The following MALRD1 variants were observed in gnomAD, a reference collection of about 807,000 sequenced individuals.
The protein encoded by MALRD1 is MAM and LDL-receptor class A domain-containing protein 1.
MALRD1 carries 247 observed loss-of-function variants against 242.1 expected under a neutral mutation model. The observed-to-expected ratio is 1.02, with a 90% CI of 0.92 to 1.13. The LOEUF (loss-of-function observed/expected upper bound fraction) is 1.13. Among genes scored for constraint, MALRD1 ranks in the 50% most tolerant of loss-of-function variants. The pLI, the probability that MALRD1 is intolerant of heterozygous loss-of-function variation, is 0.00. For missense variants in MALRD1, 2,989 were observed against 2,533.1 expected (o/e 1.18, Z -3.86); for synonymous variants, 995 against 866.6 (o/e 1.15, Z -2.60).
At chr10:19,087,986 T>C in intron 3 of MALRD1, 38 bp from the exon 4 acceptor site, 2 of 1,233,098 alleles carry the variant, frequency 1.6e-6, no homozygotes, top group Non-Finnish European at 2.0e-6. Context: ...TGGGGACTTC[T>C]TTATCATAAT....
intron 38 of MALRD1, chr10:19,711,148 T>A (rs1564560652): frequency 6.6e-6 from 1 of 152,232 alleles, no homozygotes; most frequent in Non-Finnish European, 1.5e-5. Context: ...GATTCTTTTT[T>A]GCTTTCAAAT....
chr10:19,203,879 A>C lies in MALRD1; in HGVS notation c.2103A>C (p.Gln701His). The C allele has an allele frequency of 6.4e-7, 1 of 1,550,472 alleles. No homozygotes were observed. The highest frequency in any genetic ancestry group is 2.4e-5 in the East Asian group (1 of 40,916). Residue 701 changes from glutamine (Q) to histidine (H), a missense_variant and splice_region_variant, in exon 15 of 40, where the codon CAA (glutamine) becomes CAC (histidine). Coordinates refer to ENST00000454679, the MANE Select transcript of MALRD1 (RefSeq NM_001142308.3). ...GGGATCATAGTCTCAACGCATCTCAAGGTAAGAAGCAAACAGGGACTCTAC... is the reference window on the plus strand; with the variant it reads ...GGGATCATAGTCTCAACGCATCTCACGGTAAGAAGCAAACAGGGACTCTAC... ...PPRDHSLNAS[Q>H]GHFMFILKKS...
chr10:19,413,682 G>GT (rs776427899), intron 28 of MALRD1, among the ~76,000 whole-genome samples: 26 of 151,752 alleles, frequency 1.7e-4, no homozygotes, highest in Non-Finnish European at 2.8e-4. Context: ...AGCCAGTGAG[G>GT]TTTTTTTTAA....
intron 18 of MALRD1, among the ~76,000 whole-genome samples, chr10:19,246,282 C>A (rs888448003): frequency 6.6e-6 from 1 of 152,104 alleles, no homozygotes; most frequent in African/African-American, 2.4e-5. Flanking sequence ...TATTCAGACA[C>A]ATGTAGAGTT....
rs772792648 is a variant in MALRD1 at position 19,734,233 on chromosome 10, A to G, written c.6467A>G (p.Lys2156Arg). Reference sequence around the variant, plus strand: ...CTGGAGACCCTGTCACATCATCTCAAATAGCAGCATCGAGACCAAGTCTGA... The same window carrying G: ...CTGGAGACCCTGTCACATCATCTCAGATAGCAGCATCGAGACCAAGTCTGA... The part of the protein sequence containing the change: ...GSLETLSHHL[K>R] The change falls in exon 40 of 40, where the codon AAA becomes AGA. Residue 2156 changes from lysine (K) to arginine (R), a missense_variant. Transcript: ENST00000454679. The G allele has an allele frequency of 3.9e-6, 6 of 1,535,364 alleles. No individual in the cohort carries two copies. The South Asian group carries it at 7.1e-5, about 18-fold the overall frequency.
intron 4 of MALRD1, among the ~76,000 whole-genome samples, chr10:19,098,481 T>C (rs1004304927): frequency 3.3e-5 from 5 of 152,182 alleles, no homozygotes; most frequent in African/African-American, 4.8e-5. Context: ...ACCCTCACTC[T>C]TCAAAATCAT....
At chr10:19,163,851 T>C (rs1407070279) in intron 12 of MALRD1, among the ~76,000 whole-genome samples, 2 of 152,208 alleles carry the variant, frequency 1.3e-5, no homozygotes, top group East Asian at 3.9e-4. Flanking sequence ...CTTATCCCAT[T>C]GACTATGGAT....
intron 1 of MALRD1, among the ~76,000 whole-genome samples, chr10:19,050,369 G>C (rs1834455708): frequency 1.3e-5 from 2 of 150,494 alleles, no homozygotes; most frequent in African/African-American, 4.9e-5. Flanking sequence ...TTACAGGCGT[G>C]AGCCACCGCG....
At chr10:19,178,001 T>C (rs1835334310) in intron 14 of MALRD1, among the ~76,000 whole-genome samples, 1 of 152,110 alleles carries the variant, frequency 6.6e-6, no homozygotes, top group African/African-American at 2.4e-5. Flanking sequence ...TACCTCCCAA[T>C]CTCCTTCAGT....
chr10:19,448,167 C>A (rs141538573), intron 28 of MALRD1, among the ~76,000 whole-genome samples: 7 of 151,820 alleles, frequency 4.6e-5, no homozygotes, highest in African/African-American at 1.7e-4. Flanking sequence ...CTTGGTAGCC[C>A]CTCTTCAGAC....
chr10:19,530,416 A>AATTT (rs1368904117), intron 31 of MALRD1, among the ~76,000 whole-genome samples: 1 of 31,488 alleles, frequency 3.2e-5, no homozygotes, highest in South Asian at 7.7e-4. Context: ...TATTTATATA[A>AATTT]TAATAAATAT....
At chr10:19,179,275 A>G (rs1222400817) in intron 14 of MALRD1, among the ~76,000 whole-genome samples, 2 of 152,214 alleles carry the variant, frequency 1.3e-5, no homozygotes, top group African/African-American at 2.4e-5. Flanking sequence ...GTCAAACAAG[A>G]TGAATAAGCT....
At chr10:19,330,462 T>A (rs1843314323) in intron 23 of MALRD1, among the ~76,000 whole-genome samples, 2 of 152,168 alleles carry the variant, frequency 1.3e-5, no homozygotes, top group South Asian at 4.1e-4. Flanking sequence ...AAAGTAAAAC[T>A]GTCCTTGTTA....
rs542979611 is a variant in MALRD1, at chr10:19,148,485, T to C, written c.1558+2141T>C. Among the ~76,000 whole-genome samples, 10 of 152,148 alleles carry C rather than the reference T, an allele frequency of 6.6e-5. No homozygotes were observed. The East Asian group carries it at 1.2e-3, about 18-fold the overall frequency. ...TCCATAAACATTAATAGATATTTGT[T>C]GTCCATTCTAATAAGAAGACTAGGA... On this transcript the variant is annotated intron_variant, in intron 11 of 39. Coordinates refer to ENST00000454679, the MANE Select transcript of MALRD1 (RefSeq NM_001142308.3).
In MALRD1 at chr10:19,209,376, C is replaced by T. The variant is rs1478123933; in HGVS notation, c.2687C>T (p.Thr896Ile). Residue 896 changes from threonine to isoleucine, a missense_variant, in exon 18 of 40, where the codon ACA becomes ATA. Thr to Ile is a moderately conservative substitution (Grantham distance 89). Coordinates refer to ENST00000454679, the MANE Select transcript of MALRD1 (RefSeq NM_001142308.3). The stretch of plus-strand genomic sequence containing the variant: ...CAGGGTCCAACTCCAACACTTAACA[C>T]AGGGCCAATGAAAGATAACACTCTG... ...RSQGPTPTLNTGPMKDNTLGT... is the reference protein window; with the variant it reads ...RSQGPTPTLNIGPMKDNTLGT... 1 of 1,550,892 alleles carries T rather than the reference C, an allele frequency of 6.4e-7. No homozygotes were observed. Among genetic ancestry groups the T allele is most frequent in the African/African-American group, 1.4e-5 (1 of 73,054 alleles).
In MALRD1 at chr10:19,123,305, A is replaced by ATG. The variant is rs35317209; in HGVS notation, c.695-168_695-167dup. Among the ~76,000 whole-genome samples, 1,418 of 149,856 alleles carry ATG rather than the reference A, an allele frequency of 9.5e-3. 14 individuals carry two copies. Among genetic ancestry groups the ATG allele is most frequent in the African/African-American group, 0.021 (841 of 40,912 alleles). On this transcript the variant is annotated intron_variant, in intron 5 of 39. Coordinates refer to ENST00000454679, the MANE Select transcript of MALRD1 (RefSeq NM_001142308.3). ...CTCTGTCTCTATTTGAGTGGTGTGT[A>ATG]TGTGTGTGTGTGTGTGTGTGAGAGA...
intron 33 of MALRD1, among the ~76,000 whole-genome samples, chr10:19,588,184 G>C (rs1837546801): frequency 6.6e-6 from 1 of 151,614 alleles, no homozygotes. Flanking sequence ...TTTCTATATT[G>C]TTGATCTATG....
intron 35 of MALRD1, among the ~76,000 whole-genome samples, chr10:19,614,259 A>G (rs1476370095): frequency 6.6e-6 from 1 of 152,070 alleles, no homozygotes; most frequent in East Asian, 1.9e-4. Context: ...TGAGCTGAGA[A>G]GAGCAACTGG....
chr10:19,494,940 T>A (rs1589155308), intron 30 of MALRD1, among the ~76,000 whole-genome samples: 1 of 151,992 alleles, frequency 6.6e-6, no homozygotes, highest in East Asian at 1.9e-4. Context: ...CTGCAAGATA[T>A]TACACATGAA....
Sources: gnomAD v4.1 joint callset for allele counts (sites outside exome capture counted in the v4.1 genomes callset) on GRCh38, gnomAD v4.1.1 for gene constraint, MANE v1.5 for transcripts, NCBI Gene and HGNC (gene_info 2026-07-23, HGNC 2026-07-21) for gene names.